DOCK4: variants seen among roughly 807,000 people sequenced by gnomAD.
The protein encoded by DOCK4 is dedicator of cytokinesis 4, also known as dedicator of cytokinesis protein 4.
Under a neutral mutation model 268.1 loss-of-function variants are expected in DOCK4, and 97 were observed. That is an observed-to-expected ratio of 0.36 (90% CI 0.31 to 0.43). The LOEUF is 0.43. Among genes scored for constraint, DOCK4 ranks in the 20% least tolerant of loss-of-function variants. The pLI is 1.00. For missense variants in DOCK4, 2,145 were observed against 2,455.7 expected, an observed-to-expected ratio of 0.87 and a Z score of 2.67; for synonymous variants, 954 against 887.2, an observed-to-expected ratio of 1.08 and a Z score of -1.34.
At chr7:111,828,906 ATG>A (rs1402568456) in intron 26 of DOCK4, among the ~76,000 whole-genome samples, 2 of 145,280 alleles carry the variant, frequency 1.4e-5, no homozygotes, top group African/African-American at 5.2e-5. Flanking sequence ...ATATATATAT[ATG>A]TATATATATA....
At chr7:111,812,187 G>T (rs766943830) in intron 27 of DOCK4, among the ~76,000 whole-genome samples, 2 of 152,164 alleles carry the variant, frequency 1.3e-5, no homozygotes, top group Non-Finnish European at 2.9e-5. Flanking sequence ...AATTCATATG[G>T]CTCAGACAGA....
chr7:111,746,812 ATCTTTTTTTT>A (rs1358558668), intron 43 of DOCK4, among the ~76,000 whole-genome samples: 1 of 79,168 alleles, frequency 1.3e-5, no homozygotes, highest in Non-Finnish European at 2.2e-5. Flanking sequence ...GATCGGTCTT[ATCTTTTTTTT>A]TTTTTTTTTT....
intron 41 of DOCK4, among the ~76,000 whole-genome samples, chr7:111,757,819 A>G (rs1166022380): frequency 1.3e-5 from 2 of 152,198 alleles, no homozygotes; most frequent in Non-Finnish European, 2.9e-5. Flanking sequence ...TGTGATGAAA[A>G]ATGCTAAGCC....
intron 44 of DOCK4, among the ~76,000 whole-genome samples, chr7:111,743,124 C>T (rs1265673577): frequency 1.3e-5 from 2 of 152,214 alleles, no homozygotes; most frequent in African/African-American, 4.8e-5. Flanking sequence ...TGAAGGTAAA[C>T]ATTCAACCTT....
chr7:112,157,326 G>A (rs1816706872), intron 1 of DOCK4, among the ~76,000 whole-genome samples: 1 of 152,108 alleles, frequency 6.6e-6, no homozygotes. Context: ...GGCCATGGGA[G>A]ACGTCATTTT....
At position 112,134,326 on chromosome 7, in the gene DOCK4, C is replaced by A. The variant is rs374642699; in HGVS notation, c.37+71776G>T. On this transcript the variant is annotated intron_variant, in intron 1 of 52. Coordinates refer to ENST00000428084, the MANE Select transcript of DOCK4 (RefSeq NM_001363540.2). ...CATCAAAAACCCTATACATCTCAAT[C>A]TCTTCCACAAGCATCTGATTTCAAT... is the stretch of plus-strand genomic sequence containing the variant. Among the ~76,000 whole-genome samples the A allele has an allele frequency of 1.3e-4, 20 of 152,332 alleles. No homozygotes were observed. The South Asian group carries it at 3.9e-3, about 30-fold the overall frequency.
At chr7:111,768,969 C>T (rs901109799) in intron 37 of DOCK4, among the ~76,000 whole-genome samples, 11 of 152,110 alleles carry the variant, frequency 7.2e-5, no homozygotes, top group African/African-American at 1.2e-4. Flanking sequence ...AGAGCCCTCA[C>T]GAATGGCATT....
At chr7:111,933,348 G>A (rs1794427647) in intron 12 of DOCK4, among the ~76,000 whole-genome samples, 2 of 141,870 alleles carry the variant, frequency 1.4e-5, no homozygotes, top group Non-Finnish European at 3.0e-5. Context: ...AGGCTGGAGT[G>A]CAGTGGTGCG....
At chr7:111,899,840 C>T (rs1790986037) in intron 15 of DOCK4, among the ~76,000 whole-genome samples, 1 of 152,192 alleles carries the variant, frequency 6.6e-6, no homozygotes, top group African/African-American at 2.4e-5. Flanking sequence ...AGGAGAATTG[C>T]TTGAGCCTGG....
chr7:111,745,149 C>T (rs1796178992), intron 44 of DOCK4, among the ~76,000 whole-genome samples: 3 of 152,170 alleles, frequency 2.0e-5, no homozygotes, highest in Admixed American at 2.0e-4. Context: ...CATTCCAGTT[C>T]TTTGTACTTG....
chr7:112,022,388 T>C (rs1305736939), intron 1 of DOCK4, among the ~76,000 whole-genome samples: 1 of 152,144 alleles, frequency 6.6e-6, no homozygotes, highest in Non-Finnish European at 1.5e-5. Flanking sequence ...TCGGTGGTGG[T>C]ACAGGAGAGG....
At chr7:111,865,305 G>A (rs962930489) in intron 22 of DOCK4, among the ~76,000 whole-genome samples, 1 of 152,178 alleles carries the variant, frequency 6.6e-6, no homozygotes, top group Non-Finnish European at 1.5e-5. Context: ...GTTGCATTTG[G>A]GGCAGGAGGA....
intron 25 of DOCK4, chr7:111,840,786 CT>C: frequency 7.6e-7 from 1 of 1,316,228 alleles, no homozygotes; most frequent in Non-Finnish European, 9.9e-7. Flanking sequence ...GTCATGGGCA[CT>C]TTTCCATATG....
Position 112,097,966 on chromosome 7 carries a change from TAC to T in DOCK4, c.38-93837_38-93836del, listed in dbSNP as rs764706918. ...GCTTTACAGTGGTATATACAAATAGTACAGTCTTTCAAGAAATGCCTTCCTTC... is the reference window on the plus strand; with the variant it reads ...GCTTTACAGTGGTATATACAAATAGTAGTCTTTCAAGAAATGCCTTCCTTC... On this transcript the variant is annotated intron_variant, in intron 1 of 52. Coordinates refer to ENST00000428084, the MANE Select transcript of DOCK4 (RefSeq NM_001363540.2). 1.2e-4 allele frequency among the ~76,000 whole-genome samples: 19 copies of T among 152,312 alleles called. No individual in the cohort carries two copies. In the East Asian group the frequency reaches 1.9e-3, roughly 15 times the overall value.
At chr7:111,734,739 G>A (rs1795351340) in intron 51 of DOCK4, among the ~76,000 whole-genome samples, 1 of 152,202 alleles carries the variant, frequency 6.6e-6, no homozygotes, top group South Asian at 2.1e-4. Context: ...GAATGAAGTG[G>A]TTCAAAGTGA....
intron 1 of DOCK4, among the ~76,000 whole-genome samples, chr7:112,018,179 A>AAAAAAAAAAAACACACAC: frequency 1.4e-5 from 1 of 72,590 alleles, no homozygotes; most frequent in African/African-American, 5.4e-5. Flanking sequence ...AAAAAAAAAA[A>AAAAAAAAAAAACACACAC]ACACAGGCAA....
chr7:111,989,730 C>T (rs1379336007), intron 5 of DOCK4, among the ~76,000 whole-genome samples: 1 of 152,184 alleles, frequency 6.6e-6, no homozygotes, highest in East Asian at 1.9e-4. Context: ...ATGCTTTCTT[C>T]CTTACTTTTA....
At chr7:111,983,854 G>A (rs143714098) in intron 7 of DOCK4, among the ~76,000 whole-genome samples, 17,015 of 87,848 alleles carry the variant, frequency 0.19, 1,606 homozygotes, top group East Asian at 0.41. Context: ...ACGCGCGCGC[G>A]CGCGCGCGCA....
chr7:111,897,363 T>C (rs13227780), intron 15 of DOCK4, among the ~76,000 whole-genome samples: 72,021 of 151,358 alleles, frequency 0.48, 19,019 homozygotes, highest in African/African-American at 0.73. Flanking sequence ...CTAGATAGTC[T>C]TTCTTAATGT....
Sources: gnomAD v4.1 joint callset for allele counts (sites outside exome capture counted in the v4.1 genomes callset) on GRCh38, gnomAD v4.1.1 for gene constraint, MANE v1.5 for transcripts, NCBI Gene and HGNC (gene_info 2026-07-23, HGNC 2026-07-21) for gene names.